Variants in PRLR observed in about 807,000 individuals in gnomAD.
The protein encoded by PRLR is hPRL receptor.
PRLR carries 13 observed loss-of-function variants against 40.2 expected under a neutral mutation model. That is an observed-to-expected ratio of 0.32 (90% CI 0.21 to 0.51). The LOEUF (loss-of-function observed/expected upper bound fraction) is 0.51. PRLR is among the 20% of genes least tolerant of loss of function. PRLR has a pLI of 0.97. For synonymous variants in PRLR, 269 were observed against 278.7 expected, an observed-to-expected ratio of 0.97 and a Z score of 0.35; for missense variants, 656 against 747.3, an observed-to-expected ratio of 0.88 and a Z score of 1.42.
Position 35,123,865 on chromosome 5 carries a change from G to A in PRLR, c.-105-5743C>T, listed in dbSNP as rs144081654. ...TCATAGTATTTATGAGGCTTTAAAC[G>A]TGGAAACTTGTCAGGGATTGGACCA... is the stretch of plus-strand genomic sequence containing the variant. On this transcript the variant is annotated intron_variant, in intron 1 of 9. Transcript: ENST00000618457. 1.1e-3 allele frequency among the ~76,000 whole-genome samples: 165 copies of A among 152,286 alleles called. 1 individual carries two copies. Among genetic ancestry groups the A allele is most frequent in the Admixed American group, 6.9e-3 (106 of 15,286 alleles).
chr5:35,076,291 A>G (rs997355293), intron 5 of PRLR, among the ~76,000 whole-genome samples: 2 of 152,110 alleles, frequency 1.3e-5, no homozygotes, highest in African/African-American at 4.8e-5. Context: ...GAAGCTAAAA[A>G]CCTCAAAAAA....
intron 1 of PRLR, among the ~76,000 whole-genome samples, chr5:35,118,774 A>G (rs1773161946): frequency 6.6e-6 from 1 of 151,878 alleles, no homozygotes; most frequent in Non-Finnish European, 1.5e-5. Context: ...ATGAAGGGAC[A>G]ACTGTTAGAG....
chr5:35,137,350 T>A (rs1212966194), intron 1 of PRLR, among the ~76,000 whole-genome samples: 3 of 152,152 alleles, frequency 2.0e-5, no homozygotes, highest in Non-Finnish European at 4.4e-5. Context: ...TTTCATTACC[T>A]TATAGAAAAT....
At chr5:35,230,130 C>T (rs1316050205) in intron 1 of PRLR, 138 bp downstream of exon 1, 3 of 152,190 alleles carry the variant, frequency 2.0e-5, no homozygotes, top group Non-Finnish European at 1.5e-5. Context: ...GGCTGGCGTT[C>T]TCTCCAGGAG....
At chr5:35,148,785 C>T (rs1385577097) in intron 1 of PRLR, among the ~76,000 whole-genome samples, 2 of 151,950 alleles carry the variant, frequency 1.3e-5, no homozygotes, top group Admixed American at 1.3e-4. Context: ...CAATATTTTA[C>T]AAAAATTTGA....
At chr5:35,157,500 G>A (rs1349199743) in intron 1 of PRLR, among the ~76,000 whole-genome samples, 1 of 152,142 alleles carries the variant, frequency 6.6e-6, no homozygotes, top group Non-Finnish European at 1.5e-5. Flanking sequence ...GGCTCTTCGG[G>A]GTTGCTTATG....
At position 35,066,092 on chromosome 5, in the gene PRLR, G is replaced by C. The variant is rs1302179261; in HGVS notation, c.866C>G (p.Ser289Cys). 1.9e-6 allele frequency: 3 copies of C among 1,612,808 alleles called. No individual in the cohort carries two copies. The highest frequency in any genetic ancestry group is 2.5e-6 in the Non-Finnish European group (3 of 1,179,374). Residue 289 changes from serine (S) to cysteine (C), a missense_variant, in exon 10 of 10, where the codon TCT becomes TGT. Around this residue, in one of 3 missense-constraint regions of PRLR, gnomAD observed 469 missense variants for 491.5 expected, o/e 0.95. Coordinates refer to ENST00000618457, the MANE Select transcript of PRLR (RefSeq NM_000949.7). ...FDAHLLEKGKSEELLSALGCQ... is the reference protein window; with the variant it reads ...FDAHLLEKGKCEELLSALGCQ... ...TCCCAAGGCACTCAGTAGTTCTTCA[G>C]ACTTGCCCTTCTATTAAAACACAGA...
intron 1 of PRLR, among the ~76,000 whole-genome samples, chr5:35,139,217 C>A (rs1263865238): frequency 3.3e-5 from 5 of 152,114 alleles, no homozygotes; most frequent in African/African-American, 4.8e-5. Context: ...TCTTTGCAAC[C>A]TCTGCCTCCT....
At chr5:35,215,863 T>C (rs1167094774) in intron 1 of PRLR, among the ~76,000 whole-genome samples, 1 of 124,756 alleles carries the variant, frequency 8.0e-6, no homozygotes, top group Non-Finnish European at 1.6e-5. Context: ...ATCCTGTCTC[T>C]ACTAAAAAAA....
intron 2 of PRLR, among the ~76,000 whole-genome samples, chr5:35,106,079 C>T (rs1772228116): frequency 1.3e-5 from 2 of 152,190 alleles, no homozygotes; most frequent in Admixed American, 1.3e-4. Flanking sequence ...ATTCAACATT[C>T]TTAAAGAAAA....
At chr5:35,074,504 C>CATATATAT (rs3034214) in intron 5 of PRLR, among the ~76,000 whole-genome samples, 47 of 132,620 alleles carry the variant, frequency 3.5e-4, no homozygotes, top group South Asian at 9.3e-4. Flanking sequence ...TTTATGATTC[C>CATATATAT]ATATATATAT....
At chr5:35,205,402 T>C (rs1261100126) in intron 1 of PRLR, among the ~76,000 whole-genome samples, 1 of 152,194 alleles carries the variant, frequency 6.6e-6, no homozygotes, top group Non-Finnish European at 1.5e-5. Flanking sequence ...CAATATATTA[T>C]TTGCTGTTGG....
At chr5:35,108,644 A>G (rs1401348755) in intron 2 of PRLR, among the ~76,000 whole-genome samples, 1 of 152,218 alleles carries the variant, frequency 6.6e-6, no homozygotes, top group Non-Finnish European at 1.5e-5. Context: ...AATATCTAGG[A>G]ATCCAACTTA....
At chr5:35,103,221 G>A (rs1427722894) in intron 2 of PRLR, among the ~76,000 whole-genome samples, 1 of 152,192 alleles carries the variant, frequency 6.6e-6, no homozygotes, top group Non-Finnish European at 1.5e-5. Context: ...GTGTCCCAAA[G>A]TAAGACTACT....
intron 1 of PRLR, among the ~76,000 whole-genome samples, chr5:35,190,375 C>T (rs1434943615): frequency 6.6e-6 from 1 of 152,148 alleles, no homozygotes; most frequent in Non-Finnish European, 1.5e-5. Flanking sequence ...AAGGCTGATG[C>T]GAGTGGATCG....
chr5:35,167,723 T>C (rs1481937802), intron 1 of PRLR, among the ~76,000 whole-genome samples: 1 of 152,036 alleles, frequency 6.6e-6, no homozygotes, highest in Non-Finnish European at 1.5e-5. Flanking sequence ...TTAACTTAAG[T>C]AGACTGTAAT....
At chr5:35,089,436 C>T in intron 3 of PRLR, 115 bp downstream of exon 3, 1 of 746,054 alleles carries the variant, frequency 1.3e-6, no homozygotes. Context: ...AACAGCAGCA[C>T]ATAACACAGC....
chr5:35,212,772 G>C (rs1281317265), intron 1 of PRLR, among the ~76,000 whole-genome samples: 2 of 152,140 alleles, frequency 1.3e-5, no homozygotes, highest in African/African-American at 4.8e-5. Context: ...CAAAACTGAG[G>C]GTGGGAGGAA....
chr5:35,199,056 G>A (rs1417617500), intron 1 of PRLR, among the ~76,000 whole-genome samples: 17 of 152,182 alleles, frequency 1.1e-4, no homozygotes, highest in Admixed American at 1.1e-3. Context: ...TTGGCAGGAA[G>A]CTCTTGCAGG....
Sources: allele counts gnomAD v4.1 joint callset (sites outside exome capture counted in the v4.1 genomes callset), GRCh38; gene constraint gnomAD v4.1.1; regional missense constraint gnomAD v4.1.1; transcripts MANE v1.5; gene names NCBI Gene and HGNC (gene_info 2026-07-23, HGNC 2026-07-21).